Variants in ARSG observed in about 807,000 individuals in gnomAD.
The protein encoded by ARSG is ASG.
In ARSG, 37 loss-of-function variants were observed where a neutral mutation model predicts 50.5. The observed-to-expected ratio is 0.73, with a 90% CI of 0.56 to 0.96. The LOEUF is 0.96. Ranked by LOEUF, ARSG falls within the 50% of genes least tolerant of loss-of-function variation. The pLI is 0.00. For synonymous variants in ARSG, 225 were observed against 254.6 expected, an observed-to-expected ratio of 0.88 and a Z score of 1.11; for missense variants, 629 against 675.3, an observed-to-expected ratio of 0.93 and a Z score of 0.76.
chr17:68,411,016 TTTTC>T (rs2081973788), intron 11 of ARSG, among the ~76,000 whole-genome samples: 1 of 151,650 alleles, frequency 6.6e-6, no homozygotes, highest in South Asian at 2.1e-4. Context: ...TTCTCTCTTT[TTTTC>T]TTTATTTGTC....
At chr17:68,424,411 G>C (rs1223501134), downstream of ARSG, 1 of 533,578 alleles carries the variant, frequency 1.9e-6, no homozygotes, top group Non-Finnish European at 3.9e-6. Flanking sequence ...CCACGGATCT[G>C]CGGGAGAAAG....
chr17:68,430,025 G>A, the ARSG span: 69 of 1,614,050 alleles, frequency 4.3e-5, no homozygotes, highest in Middle Eastern at 1.6e-4. Flanking sequence ...TCCTCTGTCC[G>A]GAGAAGTTCA....
chr17:68,451,014 G>C, the ARSG span: 1 of 1,375,022 alleles, frequency 7.3e-7, no homozygotes, highest in Non-Finnish European at 9.7e-7. Context: ...GGGTCTTGCC[G>C]GCCAGGCGCC....
chr17:68,341,077 C>G (rs2078246819), intron 2 of ARSG, among the ~76,000 whole-genome samples: 1 of 152,166 alleles, frequency 6.6e-6, no homozygotes, highest in East Asian at 1.9e-4. Flanking sequence ...ACCAGTGGAA[C>G]AGCTACTGAG....
intron 2 of ARSG, among the ~76,000 whole-genome samples, chr17:68,315,312 C>T (rs926543016): frequency 2.0e-5 from 3 of 151,968 alleles, no homozygotes; most frequent in African/African-American, 4.8e-5. Context: ...GAGATCGAGG[C>T]GGAAGGATTG....
chr17:68,330,990 G>T (rs1218122717), intron 2 of ARSG, among the ~76,000 whole-genome samples: 1 of 87,388 alleles, frequency 1.1e-5, no homozygotes, highest in Non-Finnish European at 2.2e-5. Flanking sequence ...GGGGGGGGGG[G>T]AGGTGGTGGG....
downstream of ARSG, chr17:68,422,638 AG>A (rs1395897543): frequency 6.7e-6 from 1 of 148,598 alleles, no homozygotes; most frequent in Non-Finnish European, 1.5e-5. Flanking sequence ...CTGAGGCACT[AG>A]AATCACTTGA....
At chr17:68,346,846 G>A (rs1464442828) in intron 3 of ARSG, 1 of 1,389,406 alleles carries the variant, frequency 7.2e-7, no homozygotes, top group Non-Finnish European at 9.5e-7. Flanking sequence ...TCTTTGAGGG[G>A]CAGAGGCTCA....
chr17:68,307,404 C>T lies in ARSG; in HGVS notation c.-90C>T. On this transcript the variant is annotated 5_prime_UTR_variant, in exon 2 of 12. Coordinates refer to ENST00000621439, the MANE Select transcript of ARSG (RefSeq NM_001267727.2). ...ACCCCTGCTCCCCAGAGACTTCCTGCTTTGAAAGTGAGCAGAAAGGAAGCT... is the reference window on the plus strand; with the variant it reads ...ACCCCTGCTCCCCAGAGACTTCCTGTTTTGAAAGTGAGCAGAAAGGAAGCT... The T allele has an allele frequency of 9.6e-7, 1 of 1,046,854 alleles. No individual in the cohort carries two copies. Among genetic ancestry groups the T allele is most frequent in the Non-Finnish European group, 1.4e-6 (1 of 693,368 alleles). 64.8% of individuals were successfully genotyped at this position (1,046,854 alleles called of 1,614,324 possible). A position where few individuals can be genotyped will look rare whatever the true frequency, so the allele number is the denominator to read the frequency against.
the ARSG span, chr17:68,450,870 T>G: frequency 8.7e-6 from 14 of 1,613,666 alleles, no homozygotes; most frequent in Non-Finnish European, 1.1e-5. Flanking sequence ...GAAGAGGCGC[T>G]CCACGATGTA....
chr17:68,315,324 T>G (rs1413170303), intron 2 of ARSG, among the ~76,000 whole-genome samples: 3 of 152,088 alleles, frequency 2.0e-5, no homozygotes, highest in African/African-American at 7.2e-5. Flanking sequence ...GAAGGATTGC[T>G]TGAGCTCAGG....
chr17:68,373,974 G>A (rs920857958), intron 8 of ARSG, among the ~76,000 whole-genome samples: 3 of 151,740 alleles, frequency 2.0e-5, no homozygotes, highest in African/African-American at 7.3e-5. Context: ...TGACTAACAC[G>A]GTGAAACCCC....
In ARSG at chr17:68,398,678, T is replaced by C. The variant is rs554456277; in HGVS notation, c.1213-2682T>C. On this transcript the variant is annotated intron_variant, in intron 10 of 11. Coordinates refer to ENST00000621439, the MANE Select transcript of ARSG (RefSeq NM_001267727.2). ...CTATTGCAAACCAAGTAACCAAGAG[T>C]TAAGGAGAGGAGCAAGAGAGTTGAG... Among the ~76,000 whole-genome samples the C allele has an allele frequency of 5.6e-4, 85 of 152,204 alleles. No homozygotes were observed. In the South Asian group the frequency reaches 0.017, roughly 31 times the overall value.
the ARSG span, among the ~76,000 whole-genome samples, chr17:68,447,629 G>A: frequency 9.2e-5 from 14 of 152,094 alleles, no homozygotes; most frequent in South Asian, 8.3e-4. Context: ...GGGCTCAAGC[G>A]ATCCTCCTGC....
At chr17:68,349,586 A>T (rs982376118) in intron 4 of ARSG, among the ~76,000 whole-genome samples, 2 of 152,064 alleles carry the variant, frequency 1.3e-5, no homozygotes, top group African/African-American at 2.4e-5. Flanking sequence ...TCAATTTTTT[A>T]AAAATACAAC....
intron 6 of ARSG, among the ~76,000 whole-genome samples, chr17:68,363,256 T>A (rs886928248): frequency 1.3e-5 from 2 of 152,050 alleles, no homozygotes; most frequent in African/African-American, 2.4e-5. Flanking sequence ...TGGGGCAAGA[T>A]AACAGGGAGA....
the ARSG span, among the ~76,000 whole-genome samples, chr17:68,441,884 G>T: frequency 6.6e-6 from 1 of 152,192 alleles, no homozygotes; most frequent in East Asian, 1.9e-4. Flanking sequence ...GGTCTAAAAA[G>T]ACACAGTTTG....
At chr17:68,364,317 A>T (rs901265108) in intron 6 of ARSG, among the ~76,000 whole-genome samples, 36 of 152,144 alleles carry the variant, frequency 2.4e-4, no homozygotes, top group African/African-American at 8.4e-4. Flanking sequence ...AAACAAAAAA[A>T]AATCACCCTG....
At chr17:68,345,344 AAG>A (rs1462590254) in intron 3 of ARSG, among the ~76,000 whole-genome samples, 1 of 152,172 alleles carries the variant, frequency 6.6e-6, no homozygotes, top group East Asian at 1.9e-4. Flanking sequence ...CATAGCCAGG[AAG>A]AGTTAGGTCC....
Sources: gnomAD v4.1 joint callset for allele counts (sites outside exome capture counted in the v4.1 genomes callset) on GRCh38, gnomAD v4.1.1 for gene constraint, MANE v1.5 for transcripts, NCBI Gene and HGNC (gene_info 2026-07-23, HGNC 2026-07-21) for gene names.